Variants in PPP1R12A observed in about 807,000 individuals in gnomAD.
PPP1R12A encodes protein phosphatase 1 regulatory subunit 12A.
Under a neutral mutation model 139.6 loss-of-function variants are expected in PPP1R12A, and 19 were observed. The ratio of observed to expected loss-of-function variants is 0.14; its 90% CI spans 0.09 to 0.20. The LOEUF is 0.20. Among genes scored for constraint, PPP1R12A ranks in the 10% least tolerant of loss-of-function variants. The pLI is 1.00. For missense variants in PPP1R12A, 925 were observed against 1,211.5 expected, an observed-to-expected ratio of 0.76 and a Z score of 3.51; for synonymous variants, 427 against 420.6, an observed-to-expected ratio of 1.02 and a Z score of -0.19.
intron 1 of PPP1R12A, among the ~76,000 whole-genome samples, chr12:79,907,152 T>C (rs1241281192): frequency 6.6e-6 from 1 of 152,190 alleles, no homozygotes; most frequent in African/African-American, 2.4e-5. Flanking sequence ...AGCTGTCATC[T>C]ACAAGAAAGA....
intron 21 of PPP1R12A, 143 bp downstream of exon 21, chr12:79,788,505 C>G: frequency 1.4e-6 from 1 of 731,422 alleles, no homozygotes; most frequent in Non-Finnish European, 2.1e-6. Context: ...TATTTACATT[C>G]TACTTAACCA....
At chr12:79,871,002 T>A (rs924505570) in intron 2 of PPP1R12A, among the ~76,000 whole-genome samples, 2 of 152,148 alleles carry the variant, frequency 1.3e-5, no homozygotes, top group African/African-American at 4.8e-5. Context: ...ATTTTTTTTT[T>A]ATTTGCTTTT....
chr12:79,907,962 GTA>G (rs1417655206), intron 1 of PPP1R12A, among the ~76,000 whole-genome samples: 1 of 152,114 alleles, frequency 6.6e-6, no homozygotes, highest in Non-Finnish European at 1.5e-5. Flanking sequence ...GTATTCTGTG[GTA>G]TATAATAGTG....
At chr12:79,908,089 G>C (rs1182133749) in intron 1 of PPP1R12A, among the ~76,000 whole-genome samples, 2 of 152,100 alleles carry the variant, frequency 1.3e-5, no homozygotes, top group South Asian at 2.1e-4. Flanking sequence ...ATGGGTATCT[G>C]GGGTTGAAAA....
rs77941774 is a variant in PPP1R12A, at chr12:79,926,006, T to C, written c.237+8689A>G. On this transcript the variant is annotated intron_variant, in intron 1 of 24. Transcript: ENST00000450142. ...TCTTGAACTTCTGGGATCAAGTCTC[T>C]TGCCTTGGCTTCTCAAAGTGCTGGG... Among the ~76,000 whole-genome samples, 846 of 152,192 alleles carry C rather than the reference T, an allele frequency of 5.6e-3. 8 individuals are homozygous for C. The highest frequency in any genetic ancestry group is 0.019 in the African/African-American group (792 of 41,534).
intron 19 of PPP1R12A, among the ~76,000 whole-genome samples, chr12:79,791,920 A>G (rs1283521865): frequency 6.6e-6 from 1 of 152,124 alleles, no homozygotes; most frequent in African/African-American, 2.4e-5. Flanking sequence ...TAACTTGCTT[A>G]TTTCATTTAG....
intron 11 of PPP1R12A, among the ~76,000 whole-genome samples, chr12:79,808,110 A>G (rs1289096315): frequency 6.6e-6 from 1 of 151,986 alleles, no homozygotes; most frequent in Non-Finnish European, 1.5e-5. Context: ...ACAGGAAGAA[A>G]CTAAAATATT....
At chr12:79,890,533 A>G (rs1431970151) in intron 1 of PPP1R12A, among the ~76,000 whole-genome samples, 1 of 152,180 alleles carries the variant, frequency 6.6e-6, no homozygotes, top group Non-Finnish European at 1.5e-5. Flanking sequence ...TTGAACCGTT[A>G]CTTCAGTCTT....
At chr12:79,852,223 C>T (rs1390186985) in intron 2 of PPP1R12A, among the ~76,000 whole-genome samples, 1 of 148,758 alleles carries the variant, frequency 6.7e-6, no homozygotes, top group Non-Finnish European at 1.5e-5. Flanking sequence ...CAGGGTCTCA[C>T]TCTGTTGCCC....
intron 2 of PPP1R12A, among the ~76,000 whole-genome samples, chr12:79,871,171 A>G (rs960680955): frequency 1.3e-5 from 2 of 152,176 alleles, no homozygotes; most frequent in African/African-American, 4.8e-5. Context: ...TAATAAGCCT[A>G]AATGTCCTTC....
intron 4 of PPP1R12A, among the ~76,000 whole-genome samples, chr12:79,831,460 G>T (rs1877414314): frequency 6.6e-6 from 1 of 152,090 alleles, no homozygotes; most frequent in African/African-American, 2.4e-5. Context: ...GCACATGCTT[G>T]TAGTCCCAGC....
Position 79,795,690 on chromosome 12 carries a change from C to T in PPP1R12A, c.2531G>A (p.Arg844Gln). Residue 844 changes from arginine to glutamine, a missense_variant, in exon 18 of 25, where the codon CGA (arginine) becomes CAA (glutamine). Arg to Gln is a conservative substitution (Grantham distance 43). Around this residue, in one of 4 missense-constraint regions of PPP1R12A, gnomAD observed 315 missense variants for 363.4 expected, o/e 0.87. Transcript: ENST00000450142. ...KSQPKSIRERRRPREKRRSTG... is the reference protein window; with the variant it reads ...KSQPKSIRERQRPREKRRSTG... ...AGATCTTCTTTTCTCTCTTGGTCGT[C>T]GTCGTTCTCTGATTGATTTAGGTTG... 1 of 1,612,274 alleles carries T rather than the reference C, an allele frequency of 6.2e-7. No homozygotes were observed. The highest frequency in any genetic ancestry group is 8.5e-7 in the Non-Finnish European group (1 of 1,179,242).
intron 3 of PPP1R12A, among the ~76,000 whole-genome samples, chr12:79,844,529 A>C (rs987257537): frequency 6.6e-6 from 1 of 152,190 alleles, no homozygotes; most frequent in Non-Finnish European, 1.5e-5. Flanking sequence ...ATCTACTACC[A>C]GTCAAAAATA....
intron 20 of PPP1R12A, 53 bp downstream of exon 20, chr12:79,790,414 A>G: frequency 8.5e-7 from 1 of 1,180,634 alleles, no homozygotes; most frequent in South Asian, 1.7e-5. Flanking sequence ...ACACATTTTT[A>G]ACAAAGATAA....
At chr12:79,869,803 G>A (rs1416932616) in intron 2 of PPP1R12A, among the ~76,000 whole-genome samples, 1 of 151,958 alleles carries the variant, frequency 6.6e-6, no homozygotes, top group African/African-American at 2.4e-5. Flanking sequence ...CTAGTGAATG[G>A]CAGAACTAGG....
chr12:79,787,388 C>A (rs1871253771), intron 21 of PPP1R12A: 1 of 152,204 alleles, frequency 6.6e-6, no homozygotes, highest in Non-Finnish European at 1.5e-5. Context: ...TATTCTCCCC[C>A]CACCAGGTCT....
In PPP1R12A at chr12:79,934,788, G is replaced by A. The variant is rs750492862; in HGVS notation, c.144C>T (p.Cys48=). Residue 48 remains cysteine (C), a synonymous_variant, in exon 1 of 25, where the codon TGC becomes TGT. Coordinates refer to ENST00000450142, the MANE Select transcript of PPP1R12A (RefSeq NM_002480.3). ...GGACCTCGTCCGTGTCGCCGCTGGA[G>A]CAAGCAGCCAGGAAGACGGCGCCAT... The part of the protein sequence containing the change: ...FDDGAVFLAA[C]SSGDTDEVLK... 93 of 1,565,426 alleles carry A rather than the reference G, an allele frequency of 5.9e-5. No homozygotes were observed. Among genetic ancestry groups the A allele is most frequent in the Non-Finnish European group, 7.4e-5 (85 of 1,155,002 alleles).
chr12:79,842,575 TTGTG>T (rs148792533), intron 3 of PPP1R12A, among the ~76,000 whole-genome samples: 2,765 of 143,862 alleles, frequency 0.019, 25 homozygotes, highest in African/African-American at 0.026. Context: ...ATGTGGCACT[TTGTG>T]TGTGTGTGTG....
intron 1 of PPP1R12A, among the ~76,000 whole-genome samples, chr12:79,892,908 A>C (rs984105904): frequency 3.3e-5 from 5 of 152,168 alleles, no homozygotes; most frequent in African/African-American, 1.2e-4. Context: ...GTTCGAGACC[A>C]GCCTGGCCAA....
Sources: allele counts gnomAD v4.1 joint callset (sites outside exome capture counted in the v4.1 genomes callset), GRCh38; gene constraint gnomAD v4.1.1; regional missense constraint gnomAD v4.1.1; transcripts MANE v1.5; gene names NCBI Gene and HGNC (gene_info 2026-07-23, HGNC 2026-07-21).